Variants in OSBPL5 observed in about 807,000 individuals in gnomAD.
OSBPL5 encodes oxysterol binding protein like 5.
A neutral mutation model predicts 111.2 loss-of-function variants in OSBPL5; 71 were observed. That is an observed-to-expected ratio of 0.64 (90% CI 0.53 to 0.78). OSBPL5 has a LOEUF of 0.78. Ranked by LOEUF, OSBPL5 falls within the 30% of genes least tolerant of loss-of-function variation. The pLI is 0.00. For synonymous variants in OSBPL5, 549 were observed against 513.9 expected, an observed-to-expected ratio of 1.07 and a Z score of -0.93; for missense variants, 1,210 against 1,189.3, an observed-to-expected ratio of 1.02 and a Z score of -0.26.
At chr11:3,148,620 A>G (rs1343705757) in intron 1 of OSBPL5, among the ~76,000 whole-genome samples, 1 of 152,174 alleles carries the variant, frequency 6.6e-6, no homozygotes, top group African/African-American at 2.4e-5. Flanking sequence ...CATCTTTGAC[A>G]TTTTCTATCA....
At position 3,105,754 on chromosome 11, in the gene OSBPL5, G is replaced by A. The variant is rs1468245910; in HGVS notation, c.1060-1377C>T. Among the ~76,000 whole-genome samples the A allele has an allele frequency of 2.6e-5, 4 of 152,142 alleles. No individual in the cohort carries two copies. The East Asian group carries it at 5.8e-4, about 22-fold the overall frequency. ...CGGCCTCTGAAGGTTGGGTGCCCGG[G>A]CCCCTTGGCTGCCCGCTCCATGCCC... is the stretch of plus-strand genomic sequence containing the variant. On this transcript the variant is annotated intron_variant, in intron 9 of 21. Transcript: ENST00000263650. This position sits in a 1 kb window ranked among gnomAD's most constrained non-coding sequence, Gnocchi z 5.2.
intron 1 of OSBPL5, among the ~76,000 whole-genome samples, chr11:3,145,103 T>A (rs1395339076): frequency 6.6e-6 from 1 of 152,154 alleles, no homozygotes; most frequent in Non-Finnish European, 1.5e-5. Context: ...CAGGAGCCCA[T>A]CCCTCCCGCT....
At chr11:3,098,197 A>T (rs940714251) in intron 14 of OSBPL5, among the ~76,000 whole-genome samples, 17 of 152,112 alleles carry the variant, frequency 1.1e-4, no homozygotes, top group Non-Finnish European at 1.9e-4. Context: ...ACGTCAAGTT[A>T]ATTAGAGTTA....
At position 3,109,106 on chromosome 11, in the gene OSBPL5, G is replaced by T. The variant is rs919506080; in HGVS notation, c.692-1161C>A. Reference sequence around the variant, plus strand: ...TTTGTTTTTGTTTTTTTGTTGTTTTGAGATGGAGTCTCGCTCTGTCACCCA... The same window carrying T: ...TTTGTTTTTGTTTTTTTGTTGTTTTTAGATGGAGTCTCGCTCTGTCACCCA... On this transcript the variant is annotated intron_variant, in intron 7 of 21. Coordinates refer to ENST00000263650, the MANE Select transcript of OSBPL5 (RefSeq NM_020896.4). The surrounding 1 kb of genome is among the most constrained non-coding windows in gnomAD (Gnocchi z 7.4). Among the ~76,000 whole-genome samples, 6 of 151,370 alleles carry T rather than the reference G, an allele frequency of 4.0e-5. No individual in the cohort carries two copies. Among genetic ancestry groups the T allele is most frequent in the African/African-American group, 1.5e-4 (6 of 41,170 alleles).
intron 1 of OSBPL5, among the ~76,000 whole-genome samples, chr11:3,129,979 T>G (rs1429614576): frequency 6.6e-6 from 1 of 152,228 alleles, no homozygotes; most frequent in Admixed American, 6.5e-5. Context: ...GCGAGTTTCT[T>G]GTTTCCTCCC....
Position 3,130,146 on chromosome 11 carries a change from T to A in OSBPL5, c.-21-977A>T, listed in dbSNP as rs908099089. Among the ~76,000 whole-genome samples the A allele has an allele frequency of 1.1e-4, 17 of 152,234 alleles. No homozygotes were observed. The highest frequency in any genetic ancestry group is 1.9e-4 in the Non-Finnish European group (13 of 68,040). On this transcript the variant is annotated intron_variant, in intron 1 of 21. Transcript: ENST00000263650. This position sits in a 1 kb window ranked among gnomAD's most constrained non-coding sequence, Gnocchi z 4.5. ...CCAGATCCACTGAGGTCTCAGCCCA[T>A]TTTACAGATGAGAAAATCATGGCTC...
At position 3,142,724 on chromosome 11, in the gene OSBPL5, G is replaced by A. The variant is rs1264796541; in HGVS notation, c.-21-13555C>T. 6.6e-6 allele frequency among the ~76,000 whole-genome samples: 1 copy of A among 152,104 alleles called. No individual in the cohort carries two copies. The highest frequency in any genetic ancestry group is 1.5e-5 in the Non-Finnish European group (1 of 68,034). ...GTCCCTCTGTCTCCGTGTCCGCGGGGCCCGGCAGGAAGTCGTGTGCAGGGG... is the reference window on the plus strand; with the variant it reads ...GTCCCTCTGTCTCCGTGTCCGCGGGACCCGGCAGGAAGTCGTGTGCAGGGG... On this transcript the variant is annotated intron_variant, in intron 1 of 21. Coordinates refer to ENST00000263650, the MANE Select transcript of OSBPL5 (RefSeq NM_020896.4). This position sits in a 1 kb window ranked among gnomAD's most constrained non-coding sequence, Gnocchi z 7.1.
At chr11:3,099,429 G>A (rs1857381755) in intron 14 of OSBPL5, among the ~76,000 whole-genome samples, 1 of 152,186 alleles carries the variant, frequency 6.6e-6, no homozygotes, top group Non-Finnish European at 1.5e-5. Context: ...ACCAAATGTA[G>A]CACCTCAGTG....
At chr11:3,090,468 A>G in intron 20 of OSBPL5, 90 bp downstream of exon 20, 2 of 1,517,568 alleles carry the variant, frequency 1.3e-6, no homozygotes, top group South Asian at 2.5e-5. Context: ...ACATCTGGGC[A>G]GGTGCTTCTC....
chr11:3,093,615 A>G lies in OSBPL5; in HGVS notation c.1858T>C (p.Phe620Leu). ...CGGACCTCCCCGCTCGGGGTCCAGA[A>G]AAGCGCACTGCTTCCGCTCCCTTCC... Reference protein sequence around the residue: ...KEEGSGSSALFWTPSGEVRRQ... With the variant: ...KEEGSGSSALLWTPSGEVRRQ... Residue 620 changes from phenylalanine to leucine, a missense_variant, in exon 17 of 22, where the codon TTC (phenylalanine) becomes CTC (leucine). Phe to Leu is a conservative substitution (Grantham distance 22, BLOSUM62 0). Transcript: ENST00000263650. 6.2e-7 allele frequency: 1 copy of G among 1,613,048 alleles called. No individual in the cohort carries two copies. The highest frequency in any genetic ancestry group is 1.1e-5 in the South Asian group (1 of 91,084).
intron 1 of OSBPL5, among the ~76,000 whole-genome samples, chr11:3,163,324 A>G (rs1279717053): frequency 6.6e-6 from 1 of 152,196 alleles, no homozygotes; most frequent in African/African-American, 2.4e-5. Context: ...CCACAGAATC[A>G]GCAGAGAGCA....
At chr11:3,098,808 A>AT (rs112915657) in intron 14 of OSBPL5, among the ~76,000 whole-genome samples, 18,922 of 139,848 alleles carry the variant, frequency 0.14, 1,352 homozygotes, top group African/African-American at 0.16. Context: ...CCCAGCAAAG[A>AT]TTTTTTTTTT....
At chr11:3,111,114 T>C (rs148732369) in intron 7 of OSBPL5, among the ~76,000 whole-genome samples, 33 of 152,068 alleles carry the variant, frequency 2.2e-4, no homozygotes, top group African/African-American at 6.7e-4. Flanking sequence ...AATAAGACAA[T>C]TTGCTGAGGC....
At chr11:3,131,863 A>ATCCATTCTCCTG (rs1554902764) in intron 1 of OSBPL5, among the ~76,000 whole-genome samples, 4 of 92,952 alleles carry the variant, frequency 4.3e-5, no homozygotes, top group African/African-American at 9.7e-5. Context: ...CAAACCATCC[A>ATCCATTCTCCTG]TCCATCCATC....
intron 1 of OSBPL5, among the ~76,000 whole-genome samples, chr11:3,159,534 C>T (rs948600859): frequency 6.6e-6 from 1 of 152,222 alleles, no homozygotes; most frequent in African/African-American, 2.4e-5. Flanking sequence ...GAGCCCAGGC[C>T]AACTGCTTCC....
chr11:3,107,266 C>T lies in OSBPL5; in HGVS notation c.1056G>A (p.Gly352=), dbSNP rs1365638179. 2 of 1,612,174 alleles carry T rather than the reference C, an allele frequency of 1.2e-6. No homozygotes were observed. The highest frequency in any genetic ancestry group is 1.7e-5 in the Admixed American group (1 of 59,906). Residue 352 remains glycine (G), a synonymous_variant, in exon 9 of 22, where the codon GGG becomes GGA. Coordinates refer to ENST00000263650, the MANE Select transcript of OSBPL5 (RefSeq NM_020896.4). The surrounding 1 kb of genome is among the most constrained non-coding windows in gnomAD (Gnocchi z 6.1). ...TYVEQVQEEL[G]ELGEASQVET... is the part of the protein sequence containing the mutation. ...CTCCTGGCTGGGGGGCTCTCACCTC[C>T]CCCAGCTCCTCCTGGACCTGCTCCA...
chr11:3,123,203 G>A (rs1858484823), intron 3 of OSBPL5, among the ~76,000 whole-genome samples: 1 of 152,198 alleles, frequency 6.6e-6, no homozygotes, highest in Non-Finnish European at 1.5e-5. Context: ...CTACAGATGG[G>A]GAACCTGAGG....
chr11:3,146,211 G>A lies in OSBPL5; in HGVS notation c.-21-17042C>T, dbSNP rs902841225. On this transcript the variant is annotated intron_variant, in intron 1 of 21. Coordinates refer to ENST00000263650, the MANE Select transcript of OSBPL5 (RefSeq NM_020896.4). This position sits in a 1 kb window ranked among gnomAD's most constrained non-coding sequence, Gnocchi z 7.8. ...CAGACCAGGGCGGGCAGACCAGCGAGACAGACACACTGCCCTTATGAGCTG... is the reference window on the plus strand; with the variant it reads ...CAGACCAGGGCGGGCAGACCAGCGAAACAGACACACTGCCCTTATGAGCTG... 6.6e-6 allele frequency: 1 copy of A among 152,282 alleles called. No homozygotes were observed. The highest frequency in any genetic ancestry group is 1.5e-5 in the Non-Finnish European group (1 of 68,090). The allele number at this position is 152,282 out of a possible 1,614,324, so 9.4% of individuals were successfully genotyped here. A position where few individuals can be genotyped will look rare whatever the true frequency, so the allele number is the denominator to read the frequency against.
rs138242510 is a variant in OSBPL5 at position 3,095,796 on chromosome 11, C to T, written c.1622-1462G>A. The stretch of plus-strand genomic sequence containing the variant: ...GAAGTTTCTCTTTTGAGAAGCCTTC[C>T]GGTGATTAAGTGAAAGAGGATGGAA... On this transcript the variant is annotated intron_variant, in intron 14 of 21. Transcript: ENST00000263650. Among the ~76,000 whole-genome samples the T allele has an allele frequency of 4.2e-3, 641 of 152,186 alleles. 4 individuals carry two copies. Among genetic ancestry groups the T allele is most frequent in the Middle Eastern group, 0.017 (5 of 294 alleles).
Sources: allele counts gnomAD v4.1 joint callset (sites outside exome capture counted in the v4.1 genomes callset), GRCh38; gene constraint gnomAD v4.1.1; non-coding constraint Gnocchi (gnomAD v3.1); transcripts MANE v1.5; gene names NCBI Gene and HGNC (gene_info 2026-07-23, HGNC 2026-07-21).